The following LSP1 variants were observed in gnomAD, a reference collection of about 807,000 sequenced individuals.
The protein encoded by LSP1 is lymphocyte-specific protein 1.
In LSP1, 32 loss-of-function variants were observed where a neutral mutation model predicts 49.3. The observed-to-expected ratio is 0.65, with a 90% CI of 0.49 to 0.87. The LOEUF (loss-of-function observed/expected upper bound fraction) is 0.87, where lower values mean the gene tolerates loss of function less well. Among genes scored for constraint, LSP1 ranks in the 40% least tolerant of loss-of-function variants. The pLI is 0.00. For missense variants in LSP1, 428 were observed against 442.6 expected, an observed-to-expected ratio of 0.97 and a Z score of 0.30; for synonymous variants, 179 against 178.8, an observed-to-expected ratio of 1.00 and a Z score of -0.01.
Position 1,856,550 on chromosome 11 carries a change from C to A in LSP1, c.53+3353C>A, listed in dbSNP as rs557910162. ...CCGCCTGGCCCATCGGAGCCTCCCT[C>A]GCTTCTCTGTGTGCTGAGCTGAGTT... On this transcript the variant is annotated intron_variant, in intron 1 of 10. Coordinates refer to ENST00000311604, the MANE Select transcript of LSP1 (RefSeq NM_002339.3). 2.0e-5 allele frequency among the ~76,000 whole-genome samples: 3 copies of A among 152,364 alleles called. No homozygotes were observed. The East Asian group carries it at 5.8e-4, about 29-fold the overall frequency.
intron 1 of LSP1, 128 bp from the exon 2 acceptor site, chr11:1,879,959 G>C: frequency 8.6e-7 from 1 of 1,164,228 alleles, no homozygotes; most frequent in Non-Finnish European, 1.2e-6. Flanking sequence ...GCCGGCCTGG[G>C]ACTGACCTCG....
At chr11:1,871,447 G>C in intron 1 of LSP1, 1 of 986,364 alleles carries the variant, frequency 1.0e-6, no homozygotes, top group African/African-American at 1.7e-5. Flanking sequence ...TGATGGGCTG[G>C]TCAGCAGGAC....
Position 1,886,928 on chromosome 11 carries a change from G to C in LSP1, c.852+62G>C, listed in dbSNP as rs1848778156. The C allele has an allele frequency of 3.8e-6, 6 of 1,572,170 alleles. 1 individual carries two copies. In the Admixed American group the frequency reaches 1.1e-4, roughly 28 times the overall value. On this transcript the variant is annotated intron_variant, in intron 8 of 10. Coordinates refer to ENST00000311604, the MANE Select transcript of LSP1 (RefSeq NM_002339.3). The stretch of plus-strand genomic sequence containing the variant: ...GCCAGCGCCTGGGAGTTTAGTAGCA[G>C]GCCGGGTTTCCTTGTTAAGACAAGC...
chr11:1,891,235 C>A (rs997189565), intron 10 of LSP1: 1 of 152,456 alleles, frequency 6.6e-6, no homozygotes, highest in Non-Finnish European at 1.5e-5. Flanking sequence ...GTGGCCCGGC[C>A]AAGCCGCCCA....
intron 1 of LSP1, among the ~76,000 whole-genome samples, chr11:1,858,007 C>A (rs551637511): frequency 2.7e-3 from 407 of 152,338 alleles, no homozygotes; most frequent in Non-Finnish European, 2.6e-3. Flanking sequence ...CCACCCGCCC[C>A]AGCCTCCCAA....
At chr11:1,872,135 C>G (rs1848048863) in intron 1 of LSP1, among the ~76,000 whole-genome samples, 1 of 141,380 alleles carries the variant, frequency 7.1e-6, no homozygotes. Flanking sequence ...GCGGGCAGGC[C>G]TGGGCTGCAG....
At chr11:1,869,926 C>T (rs921112323) in intron 1 of LSP1, among the ~76,000 whole-genome samples, 7 of 152,098 alleles carry the variant, frequency 4.6e-5, no homozygotes, top group Admixed American at 2.6e-4. Flanking sequence ...CCTGCCTGGT[C>T]TTCCCCACAC....
At chr11:1,871,493 C>A in intron 1 of LSP1, 1 of 985,330 alleles carries the variant, frequency 1.0e-6, no homozygotes. Context: ...TGAGGACGGT[C>A]CCTGACCCAG....
intron 7 of LSP1, among the ~76,000 whole-genome samples, chr11:1,885,938 C>T (rs1848732311): frequency 6.6e-6 from 1 of 152,146 alleles, no homozygotes; most frequent in South Asian, 2.1e-4. Context: ...TCCATGCAAT[C>T]AATGTTCCTC....
At chr11:1,862,536 T>C (rs374912978) in intron 1 of LSP1, among the ~76,000 whole-genome samples, 26 of 152,230 alleles carry the variant, frequency 1.7e-4, no homozygotes, top group African/African-American at 6.3e-4. Flanking sequence ...AAGGAGGAAA[T>C]AGGCAGGTTG....
At chr11:1,871,358 G>A in intron 1 of LSP1, 1 of 986,206 alleles carries the variant, frequency 1.0e-6, no homozygotes, top group Non-Finnish European at 1.2e-6. Context: ...AACAGCTGCA[G>A]AGCGGGACAA....
intron 1 of LSP1, among the ~76,000 whole-genome samples, chr11:1,878,973 C>T (rs547777634): frequency 3.3e-5 from 5 of 152,212 alleles, no homozygotes; most frequent in South Asian, 2.1e-4. Context: ...CTGAGGGGGG[C>T]GCGTGGGACC....
At chr11:1,863,843 A>G (rs1847706114) in intron 1 of LSP1, among the ~76,000 whole-genome samples, 1 of 152,046 alleles carries the variant, frequency 6.6e-6, no homozygotes, top group Admixed American at 6.5e-5. Flanking sequence ...TGCCAATACC[A>G]AACCGAAGAT....
At chr11:1,866,737 G>A in intron 1 of LSP1, 1 of 1,550,550 alleles carries the variant, frequency 6.4e-7, no homozygotes, top group African/African-American at 1.4e-5. Flanking sequence ...GAGTGCCTGG[G>A]GTCAATCCCC....
At chr11:1,860,293 A>AGTG (rs1393661382) in intron 1 of LSP1, among the ~76,000 whole-genome samples, 1,463 of 39,756 alleles carry the variant, frequency 0.037, 33 homozygotes, top group African/African-American at 0.11. Context: ...TGGATAATTG[A>AGTG]ATGATGGATG....
rs954236184 is a variant in LSP1 at position 1,871,019 on chromosome 11, C to T, written c.54-9068C>T. 23 of 985,570 alleles carry T rather than the reference C, an allele frequency of 2.3e-5. 1 individual carries two copies. The highest frequency in any genetic ancestry group is 4.7e-5 in the South Asian group (1 of 21,302). 61.1% of individuals were successfully genotyped at this position (985,570 alleles called of 1,614,324 possible). On this transcript the variant is annotated intron_variant, in intron 1 of 10. Transcript: ENST00000311604. Reference sequence around the variant, plus strand: ...GTCCCCTCCTGCGGGAAGCAGGCACCGAGTGGGGCTGCATGTAGACGCATG... The same window carrying T: ...GTCCCCTCCTGCGGGAAGCAGGCACTGAGTGGGGCTGCATGTAGACGCATG...
At chr11:1,869,628 A>G (rs1847910266) in intron 1 of LSP1, 1 of 470,628 alleles carries the variant, frequency 2.1e-6, no homozygotes, top group Non-Finnish European at 4.4e-6. Flanking sequence ...CAGAAGGCTC[A>G]GAGCCGCTGT....
In LSP1 at chr11:1,884,061, C is replaced by A; in HGVS notation, c.591+37C>A. On this transcript the variant is annotated intron_variant, in intron 5 of 10. Transcript: ENST00000311604. This position sits in a 1 kb window ranked among gnomAD's most constrained non-coding sequence, Gnocchi z 4.1. ...TGCAAAGCCTGCCATCTTCTCCCCT[C>A]TCCCGTACTCATACCCAAAAGGCCA... 1 of 1,576,966 alleles carries A rather than the reference C, an allele frequency of 6.3e-7. No homozygotes were observed. Among genetic ancestry groups the A allele is most frequent in the Non-Finnish European group, 8.6e-7 (1 of 1,156,892 alleles).
chr11:1,883,494 G>A lies in LSP1; in HGVS notation c.432G>A (p.Gly144=). ...HLEELSLSKE[G]PGPEDTVQDN... ...AGGAGTTGAGTCTGAGCAAGGAGGG[G>A]CCAGGCCCAGAGGACACTGTCCAGG... is the stretch of plus-strand genomic sequence containing the variant. Residue 144 remains glycine, a synonymous_variant, in exon 4 of 11, where the codon GGG becomes GGA. Transcript: ENST00000311604. The A allele has an allele frequency of 6.2e-7, 1 of 1,614,022 alleles. No individual in the cohort carries two copies. Among genetic ancestry groups the A allele is most frequent in the South Asian group, 1.1e-5 (1 of 91,088 alleles).
Sources: allele counts gnomAD v4.1 joint callset (sites outside exome capture counted in the v4.1 genomes callset), GRCh38; gene constraint gnomAD v4.1.1; non-coding constraint Gnocchi (gnomAD v3.1); transcripts MANE v1.5; gene names NCBI Gene and HGNC (gene_info 2026-07-23, HGNC 2026-07-21).